PALS1: variants seen among roughly 807,000 people sequenced by gnomAD.
PALS1 encodes the protein protein PALS1.
Under a neutral mutation model 78.9 loss-of-function variants are expected in PALS1, and 31 were observed. The observed-to-expected ratio is 0.39, with a 90% CI of 0.30 to 0.53. PALS1 has a LOEUF of 0.53. Ranked by LOEUF, PALS1 falls within the 20% of genes least tolerant of loss-of-function variation. PALS1 has a pLI of 0.67. For missense variants in PALS1, 704 were observed against 826.5 expected, an observed-to-expected ratio of 0.85 and a Z score of 1.82; for synonymous variants, 276 against 270.9, an observed-to-expected ratio of 1.02 and a Z score of -0.18.
At chr14:67,301,498 T>C in intron 5 of PALS1, 32 bp downstream of exon 5, 2 of 1,481,004 alleles carry the variant, frequency 1.4e-6, no homozygotes, top group Non-Finnish European at 1.9e-6. Flanking sequence ...ATATATGTGG[T>C]TTTTCCAGCA....
rs1222150910 is a variant in PALS1, at chr14:67,320,338, A to G, written c.1478A>G (p.Asn493Ser). The G allele has an allele frequency of 6.2e-7, 1 of 1,613,516 alleles. No individual in the cohort carries two copies. The highest frequency in any genetic ancestry group is 8.5e-7 in the Non-Finnish European group (1 of 1,179,754). Residue 493 changes from asparagine (N) to serine (S), a missense_variant, in exon 12 of 15, where the codon AAT (asparagine) becomes AGT (serine). Asn to Ser is a conservative substitution (Grantham distance 46). Transcript: ENST00000261681. ...ILIGPQNCGQNELRQRLMNKE... is the reference protein window; with the variant it reads ...ILIGPQNCGQSELRQRLMNKE... ...ATTGGTCCACAGAACTGTGGCCAGA[A>G]TGAATTGCGTCAGAGGCTCATGAAC... is the stretch of plus-strand genomic sequence containing the variant.
intron 2 of PALS1, among the ~76,000 whole-genome samples, chr14:67,272,692 G>A (rs1031364648): frequency 7.2e-5 from 11 of 151,960 alleles, no homozygotes; most frequent in African/African-American, 1.2e-4. Flanking sequence ...AGAGTCTCGC[G>A]CTGTCTCCCA....
At chr14:67,263,277 C>T (rs543829295) in intron 1 of PALS1, among the ~76,000 whole-genome samples, 1 of 152,150 alleles carries the variant, frequency 6.6e-6, no homozygotes, top group East Asian at 1.9e-4. Flanking sequence ...CTCCTCCCAC[C>T]CCTTTATATT....
chr14:67,253,958 G>GTT (rs1158148614), intron 1 of PALS1, among the ~76,000 whole-genome samples: 4 of 143,080 alleles, frequency 2.8e-5, no homozygotes, highest in African/African-American at 8.0e-5. Context: ...TTAATATTTT[G>GTT]TTTTGTTTTT....
chr14:67,278,141 A>G (rs2084536534), intron 2 of PALS1, among the ~76,000 whole-genome samples: 1 of 150,094 alleles, frequency 6.7e-6, no homozygotes, highest in Admixed American at 6.7e-5. Flanking sequence ...GGTTCAAGCG[A>G]TTCTCCTGCC....
At chr14:67,243,193 CT>C (rs764739699) in intron 1 of PALS1, among the ~76,000 whole-genome samples, 47 of 145,952 alleles carry the variant, frequency 3.2e-4, no homozygotes, top group Non-Finnish European at 3.3e-4. Context: ...ATTGTCTTTT[CT>C]TTTTTTTTTT....
rs192613434 is a variant in PALS1 at position 67,252,057 on chromosome 14, C to T, written c.-237+10524C>T. Among the ~76,000 whole-genome samples the T allele has an allele frequency of 7.2e-5, 11 of 152,332 alleles. 1 individual carries two copies. Among genetic ancestry groups the T allele is most frequent in the African/African-American group, 2.6e-4 (11 of 41,586 alleles). On this transcript the variant is annotated intron_variant, in intron 1 of 14. Transcript: ENST00000261681. ...GAAGGCATGGAAGCTCCACACCACC[C>T]GCCTAAACCTTGCTCTTTGCATCTC...
rs3067315 is a variant in PALS1 at position 67,333,814 on chromosome 14, C to CTG, written c.*859_*860insGT. The stretch of plus-strand genomic sequence containing the variant: ...AGGTGTTCATTATAATCTGTATTGA[C>CTG]TTAAAAAGTTTCTTCCTCATGATGC... On this transcript the variant is annotated 3_prime_UTR_variant, in exon 15 of 15. Coordinates refer to ENST00000261681, the MANE Select transcript of PALS1 (RefSeq NM_022474.4). 23,809 of 152,384 alleles carry CTG rather than the reference C, an allele frequency of 0.16. 3,515 individuals carry two copies. Among genetic ancestry groups the CTG allele is most frequent in the East Asian group, 0.42 (2,165 of 5,154 alleles). 9.4% of individuals were successfully genotyped at this position (152,384 alleles called of 1,614,324 possible).
At chr14:67,308,428 A>G (rs1207170423) in intron 8 of PALS1, among the ~76,000 whole-genome samples, 1 of 152,010 alleles carries the variant, frequency 6.6e-6, no homozygotes, top group Admixed American at 6.5e-5. Flanking sequence ...TTGTCTCCCA[A>G]GTACACTGTC....
chr14:67,324,143 C>G (rs1413041067), intron 14 of PALS1, among the ~76,000 whole-genome samples: 1 of 152,144 alleles, frequency 6.6e-6, no homozygotes, highest in Non-Finnish European at 1.5e-5. Context: ...TTCAGGGAGC[C>G]AAATTTGAGT....
intron 1 of PALS1, among the ~76,000 whole-genome samples, chr14:67,268,302 G>A (rs149965227): frequency 1.6e-3 from 237 of 152,308 alleles, no homozygotes; most frequent in African/African-American, 5.5e-3. Context: ...GCATTGTTGA[G>A]ATAGAACTCT....
intron 1 of PALS1, among the ~76,000 whole-genome samples, chr14:67,266,903 A>G (rs985443034): frequency 1.3e-5 from 2 of 151,958 alleles, no homozygotes; most frequent in Non-Finnish European, 2.9e-5. Context: ...TGAGCCTAGG[A>G]GTTCGACACC....
At chr14:67,280,508 AACAG>A (rs2084586993) in intron 3 of PALS1, among the ~76,000 whole-genome samples, 3 of 152,204 alleles carry the variant, frequency 2.0e-5, no homozygotes, top group Non-Finnish European at 2.9e-5. Context: ...TAATCCTGTT[AACAG>A]TACTCTGTAA....
At chr14:67,321,315 A>G (rs2085261433) in intron 13 of PALS1, 56 bp downstream of exon 13, 1 of 1,536,786 alleles carries the variant, frequency 6.5e-7, no homozygotes, top group Non-Finnish European at 9.0e-7. Flanking sequence ...CATATAGAGT[A>G]ATCTAGTGGA....
At chr14:67,275,429 T>C (rs932276047) in intron 2 of PALS1, among the ~76,000 whole-genome samples, 2 of 152,210 alleles carry the variant, frequency 1.3e-5, no homozygotes, top group African/African-American at 4.8e-5. Context: ...CGTTTATTGA[T>C]TTGCGTATGT....
chr14:67,314,675 G>A (rs2085141475), intron 9 of PALS1, among the ~76,000 whole-genome samples: 1 of 152,202 alleles, frequency 6.6e-6, no homozygotes, highest in Non-Finnish European at 1.5e-5. Flanking sequence ...TTTGTTGATA[G>A]ATTGATTTTC....
chr14:67,287,224 CAAAAA>C (rs2084703469), intron 3 of PALS1, among the ~76,000 whole-genome samples: 1 of 149,072 alleles, frequency 6.7e-6, no homozygotes. Flanking sequence ...ATCTCAAAAA[CAAAAA>C]CAAAAAAAAA....
chr14:67,305,481 A>G (rs959028900), intron 8 of PALS1, among the ~76,000 whole-genome samples: 1 of 152,078 alleles, frequency 6.6e-6, no homozygotes, highest in Non-Finnish European at 1.5e-5. Flanking sequence ...GGCTTTCACT[A>G]TGTTGCCCAG....
At chr14:67,278,209 G>T (rs530674333) in intron 2 of PALS1, among the ~76,000 whole-genome samples, 2 of 151,880 alleles carry the variant, frequency 1.3e-5, no homozygotes, top group Non-Finnish European at 2.9e-5. Context: ...GCTAGTTTTT[G>T]TATTTTTCTT....
Sources: gnomAD v4.1 joint callset for allele counts (sites outside exome capture counted in the v4.1 genomes callset) on GRCh38, gnomAD v4.1.1 for gene constraint, MANE v1.5 for transcripts, NCBI Gene and HGNC (gene_info 2026-07-23, HGNC 2026-07-21) for gene names.